Variants in MME observed in about 807,000 individuals in gnomAD.
MME encodes the protein membrane metalloendopeptidase, also known as neprilysin.
In MME, 98 loss-of-function variants were observed where a neutral mutation model predicts 113.2. The observed-to-expected ratio is 0.87, with a 90% confidence interval of 0.74 to 1.02. The LOEUF is 1.02. Ranked by LOEUF, MME falls within the 50% of genes least tolerant of loss-of-function variation. MME has a pLI of 0.00. For missense variants in MME, 836 were observed against 896.0 expected (o/e 0.93, Z 0.86); for synonymous variants, 292 against 300.6 (o/e 0.97, Z 0.30).
intron 19 of MME, 47 bp from the exon 20 acceptor site, chr3:155,168,685 G>C (rs1171409719): frequency 2.5e-6 from 4 of 1,611,638 alleles, no homozygotes. Context: ...GTGTATTATT[G>C]GTGGTTTCTT....
intron 1 of MME, among the ~76,000 whole-genome samples, chr3:155,065,727 G>A (rs990179916): frequency 1.3e-5 from 2 of 152,182 alleles, no homozygotes; most frequent in African/African-American, 4.8e-5. Context: ...GCCCTGGGAG[G>A]TGCCTTAAAT....
intron 1 of MME, among the ~76,000 whole-genome samples, chr3:155,064,918 A>G (rs368518573): frequency 2.0e-5 from 3 of 152,054 alleles, no homozygotes; most frequent in African/African-American, 7.2e-5. Flanking sequence ...GCATCACTCA[A>G]TCTTTGCTTC....
intron 8 of MME, among the ~76,000 whole-genome samples, chr3:155,136,719 A>C (rs1007823929): frequency 6.6e-6 from 1 of 152,190 alleles, no homozygotes; most frequent in African/African-American, 2.4e-5. Flanking sequence ...GTAAATTCAG[A>C]TGCACCTTTG....
rs73012344 is a variant in MME, at chr3:155,163,086, C to T, written c.1660+2638C>T. 2.6e-3 allele frequency among the ~76,000 whole-genome samples: 388 copies of T among 148,494 alleles called. 2 individuals are homozygous for T. The highest frequency in any genetic ancestry group is 9.2e-3 in the African/African-American group (372 of 40,304). ...AAATACACACATACCTACCTATATACATGTCTTCTGCAACACTGTCTTAAT... is the reference window on the plus strand; with the variant it reads ...AAATACACACATACCTACCTATATATATGTCTTCTGCAACACTGTCTTAAT... On this transcript the variant is annotated intron_variant, in intron 17 of 22. Coordinates refer to ENST00000360490, the MANE Select transcript of MME (RefSeq NM_007289.4).
upstream of MME, among the ~76,000 whole-genome samples, chr3:155,079,200 G>GA (rs1162368516): frequency 6.6e-6 from 1 of 151,732 alleles, no homozygotes; most frequent in Non-Finnish European, 1.5e-5. Context: ...GGGAGAGTAA[G>GA]AAAAAAGAAA....
intron 8 of MME, 101 bp downstream of exon 8, chr3:155,118,912 T>C (rs1216419746): frequency 6.4e-6 from 5 of 779,156 alleles, no homozygotes; most frequent in Admixed American, 4.3e-5. Flanking sequence ...AGCCCTCTGA[T>C]GTTTTTCATT....
rs35227300 is a variant in MME, at chr3:155,143,445, C to T, written c.1191C>T (p.Ala397=). 6.7e-4 allele frequency: 1,087 copies of T among 1,611,852 alleles called. 5 individuals carry two copies. In the African/African-American group the frequency reaches 0.01, roughly 15 times the overall value. ...YKESRNAFRK[A]LYGTTSETAT... ...CATTTCCTTTTTCTTTTCCGTAGGC[C>T]CTTTATGGTACAACCTCAGAAACAG... The change falls in exon 13 of 23, where the codon GCC becomes GCT. Residue 397 remains alanine, a splice_region_variant and synonymous_variant. Transcript: ENST00000360490.
chr3:155,177,701 T>C (rs1280723733), intron 22 of MME, among the ~76,000 whole-genome samples: 2 of 152,186 alleles, frequency 1.3e-5, no homozygotes, highest in Non-Finnish European at 2.9e-5. Context: ...TTTTTCAATA[T>C]TTCAGATGTA....
intron 1 of MME, among the ~76,000 whole-genome samples, chr3:155,039,934 A>G (rs1253426453): frequency 1.3e-5 from 2 of 151,608 alleles, no homozygotes; most frequent in African/African-American, 4.9e-5. Context: ...AAATAAAGAT[A>G]AAATTTTTTT....
intron 18 of MME, among the ~76,000 whole-genome samples, chr3:155,167,975 T>C (rs188181840): frequency 1.3e-5 from 2 of 152,216 alleles, no homozygotes; most frequent in East Asian, 1.9e-4. Context: ...TACATATAAA[T>C]GCAATTGGAG....
At chr3:155,061,589 T>G (rs1381643738) in intron 1 of MME, among the ~76,000 whole-genome samples, 1 of 151,932 alleles carries the variant, frequency 6.6e-6, no homozygotes, top group East Asian at 1.9e-4. Flanking sequence ...AGAAATAAAA[T>G]TAATTTTTTG....
At chr3:155,126,519 A>C (rs1039531385) in intron 8 of MME, among the ~76,000 whole-genome samples, 3 of 152,062 alleles carry the variant, frequency 2.0e-5, no homozygotes, top group African/African-American at 7.2e-5. Context: ...TCTGATATAG[A>C]AGCATTTTTG....
chr3:155,075,524 A>C (rs1379744519), upstream of MME, among the ~76,000 whole-genome samples: 1 of 152,030 alleles, frequency 6.6e-6, no homozygotes, highest in Non-Finnish European at 1.5e-5. Context: ...AGATTGACTT[A>C]TGTTTAATTT....
chr3:155,098,005 C>G (rs912689152), intron 3 of MME, among the ~76,000 whole-genome samples: 40 of 152,086 alleles, frequency 2.6e-4, no homozygotes, highest in African/African-American at 9.2e-4. Flanking sequence ...CACCTAAACG[C>G]AGAGTGAGCA....
intron 14 of MME, among the ~76,000 whole-genome samples, 191 bp downstream of exon 14, chr3:155,144,648 G>C (rs984638895): frequency 2.0e-5 from 3 of 152,088 alleles, no homozygotes; most frequent in Non-Finnish European, 4.4e-5. Flanking sequence ...TTTTATCTCT[G>C]CAACCAATAC....
In MME at chr3:155,102,249, G is replaced by A. The variant is rs184483491; in HGVS notation, c.197-12745G>A. ...AGATGGTGATGATTTACTATAAGAAGGTGTAATTAATTGAGAATGAAGGAT... is the reference window on the plus strand; with the variant it reads ...AGATGGTGATGATTTACTATAAGAAAGTGTAATTAATTGAGAATGAAGGAT... On this transcript the variant is annotated intron_variant, in intron 3 of 22. Transcript: ENST00000360490. 6.6e-3 allele frequency among the ~76,000 whole-genome samples: 1,001 copies of A among 152,246 alleles called. 7 individuals carry two copies. Among genetic ancestry groups the A allele is most frequent in the African/African-American group, 0.023 (952 of 41,554 alleles).
intron 1 of MME, among the ~76,000 whole-genome samples, chr3:155,036,003 A>G (rs1713116008): frequency 6.6e-6 from 1 of 152,148 alleles, no homozygotes; most frequent in African/African-American, 2.4e-5. Flanking sequence ...ACCTTGAACC[A>G]GTATAGTTGT....
intron 8 of MME, among the ~76,000 whole-genome samples, chr3:155,136,484 T>A (rs1252254067): frequency 6.6e-6 from 1 of 152,170 alleles, no homozygotes; most frequent in East Asian, 1.9e-4. Context: ...AATTGTTCTA[T>A]TGAGTAGCAA....
chr3:155,058,862 A>G (rs1338643834), intron 1 of MME, among the ~76,000 whole-genome samples: 2 of 152,230 alleles, frequency 1.3e-5, no homozygotes, highest in Non-Finnish European at 2.9e-5. Flanking sequence ...TTGTCAAAGT[A>G]TTCTCTCACA....
Sources: allele counts gnomAD v4.1 joint callset (sites outside exome capture counted in the v4.1 genomes callset), GRCh38; gene constraint gnomAD v4.1.1; transcripts MANE v1.5; gene names NCBI Gene and HGNC (gene_info 2026-07-23, HGNC 2026-07-21).